NEMF: variants seen among roughly 807,000 people sequenced by gnomAD.
NEMF encodes the protein ribosome quality control complex subunit NEMF.
NEMF carries 89 observed loss-of-function variants against 162.2 expected under a neutral mutation model. The observed-to-expected ratio is 0.55, with a 90% CI of 0.46 to 0.65. The LOEUF (loss-of-function observed/expected upper bound fraction) is 0.65. Among genes scored for constraint, NEMF ranks in the 30% least tolerant of loss-of-function variants. NEMF has a pLI of 0.00. For missense variants in NEMF, 1,133 were observed against 1,261.9 expected, an observed-to-expected ratio of 0.90 and a Z score of 1.55; for synonymous variants, 421 against 404.5, an observed-to-expected ratio of 1.04 and a Z score of -0.49.
intron 18 of NEMF, among the ~76,000 whole-genome samples, chr14:49,808,459 G>A (rs1473618817): frequency 6.6e-6 from 1 of 152,168 alleles, no homozygotes; most frequent in Non-Finnish European, 1.5e-5. Flanking sequence ...ACAGGCATGA[G>A]CCACCGTGCC....
At chr14:49,826,050 C>G in intron 15 of NEMF, 95 bp from the exon 16 acceptor site, 1 of 680,830 alleles carries the variant, frequency 1.5e-6, no homozygotes, top group East Asian at 2.7e-5. Flanking sequence ...TTAAATGTCA[C>G]AAAATGGCAC....
intron 16 of NEMF, among the ~76,000 whole-genome samples, chr14:49,816,875 C>G (rs1361142195): frequency 6.6e-6 from 1 of 152,006 alleles, no homozygotes; most frequent in Non-Finnish European, 1.5e-5. Flanking sequence ...TGTAATCATC[C>G]TAGTAAGGGA....
Position 49,840,609 on chromosome 14 carries a change from G to T in NEMF, c.506+109C>A. ...ATATTTTATCTCACAGTTCTTTCAC[G>T]TTCTGACATATGACCCATTTTACCT... On this transcript the variant is annotated intron_variant, in intron 5 of 32. Transcript: ENST00000298310. The T allele has an allele frequency of 3.5e-6, 3 of 864,780 alleles. 1 individual carries two copies. The highest frequency in any genetic ancestry group is 3.6e-5 in the South Asian group (2 of 55,384). The allele number at this position is 864,780 out of a possible 1,614,324, so 53.6% of individuals were successfully genotyped here.
intron 6 of NEMF, among the ~76,000 whole-genome samples, chr14:49,836,797 T>C (rs1041438686): frequency 1.3e-5 from 2 of 152,186 alleles, no homozygotes; most frequent in African/African-American, 2.4e-5. Flanking sequence ...TTTTGGAATA[T>C]CTGCATATAC....
At chr14:49,836,608 C>T (rs920973516) in intron 6 of NEMF, among the ~76,000 whole-genome samples, 1 of 150,540 alleles carries the variant, frequency 6.6e-6, no homozygotes, top group Non-Finnish European at 1.5e-5. Flanking sequence ...TTCGTGGCAC[C>T]GCACTTCAGC....
At chr14:49,848,400 G>A (rs533098872) in intron 3 of NEMF, among the ~76,000 whole-genome samples, 2 of 152,068 alleles carry the variant, frequency 1.3e-5, no homozygotes, top group South Asian at 4.1e-4. Flanking sequence ...TACATGTACC[G>A]TCTTTTTGTA....
rs1890117622 is a variant in NEMF at position 49,785,336 on chromosome 14, A to G, written c.2929-16T>C. On this transcript the variant is annotated splice_polypyrimidine_tract_variant and intron_variant, in intron 29 of 32. Transcript: ENST00000298310. ...ATAGGTTTTCCTAAAAAGGGAAAAT[A>G]ACAGTTACAAAGGCAATTTATACCG... The G allele has an allele frequency of 6.3e-7, 1 of 1,585,782 alleles. No individual in the cohort carries two copies. Among genetic ancestry groups the G allele is most frequent in the East Asian group, 2.2e-5 (1 of 44,692 alleles).
chr14:49,845,235 G>C (rs1394272982), intron 4 of NEMF, among the ~76,000 whole-genome samples: 2 of 152,074 alleles, frequency 1.3e-5, no homozygotes, highest in African/African-American at 4.8e-5. Context: ...TGGGATTATA[G>C]GTGCCCGCCA....
Position 49,784,622 on chromosome 14 carries a change from G to GA in NEMF, c.*13dup. 6.3e-7 allele frequency: 1 copy of GA among 1,585,394 alleles called. No individual in the cohort carries two copies. The highest frequency in any genetic ancestry group is 8.6e-7 in the Non-Finnish European group (1 of 1,159,118). ...AAATTGGCTCTTCTCAAATATTTTA[G>GA]AATTTCATTTCAGCTATTTCCTTTT... On this transcript the variant is annotated 3_prime_UTR_variant, in exon 33 of 33. Transcript: ENST00000298310.
Position 49,851,885 on chromosome 14 carries a change from TA to T in NEMF, c.60-11del. 6.5e-7 allele frequency: 1 copy of T among 1,527,006 alleles called. No individual in the cohort carries two copies. The highest frequency in any genetic ancestry group is 9.0e-7 in the Non-Finnish European group (1 of 1,116,128). The allele number at this position is 1,527,006 out of a possible 1,614,324, so 94.6% of individuals were successfully genotyped here. On this transcript the variant is annotated splice_polypyrimidine_tract_variant and intron_variant, in intron 1 of 32. Transcript: ENST00000298310. ...TCTCATTCCTAGCAAGCTGCAAAGATAAAGGAAACATGTAACATGTTACACT... is the reference window on the plus strand; with the variant it reads ...TCTCATTCCTAGCAAGCTGCAAAGATAAGGAAACATGTAACATGTTACACT...
At position 49,833,430 on chromosome 14, in the gene NEMF, C is replaced by A. The variant is rs1892742283; in HGVS notation, c.728G>T (p.Ser243Ile). The change falls in exon 8 of 33, where the codon AGT (serine) becomes ATT (isoleucine). Residue 243 changes from serine (S) to isoleucine (I), a missense_variant. Ser to Ile is a moderately radical substitution (Grantham distance 142). This residue lies in a region of NEMF where 582 missense variants were observed against 631.5 expected (regional missense o/e 0.92). Coordinates refer to ENST00000298310, the MANE Select transcript of NEMF (RefSeq NM_004713.6). ...EDYMKTTSNF[S>I]GKGYIIQKRE... ...AAGTATACATGGTGCTACCTTCCCA[C>A]TGAAGTTGGATGTTGTTTTCATATA... 1.3e-6 allele frequency: 2 copies of A among 1,581,874 alleles called. No homozygotes were observed. Among genetic ancestry groups the A allele is most frequent in the Non-Finnish European group, 1.7e-6 (2 of 1,157,572 alleles).
chr14:49,852,662 C>T, intron 1 of NEMF, 33 bp downstream of exon 1: 1 of 1,612,406 alleles, frequency 6.2e-7, no homozygotes, highest in Non-Finnish European at 8.5e-7. Flanking sequence ...TCCTGCACTC[C>T]CCACACGAGC....
chr14:49,812,100 T>A (rs1039702594), intron 18 of NEMF, among the ~76,000 whole-genome samples: 7 of 152,200 alleles, frequency 4.6e-5, no homozygotes, highest in African/African-American at 1.7e-4. Flanking sequence ...TCTCTGTACT[T>A]ACAGGTTTAT....
chr14:49,826,065 T>TACACAC (rs147058569), intron 15 of NEMF, 110 bp from the exon 16 acceptor site: 1 of 615,566 alleles, frequency 1.6e-6, no homozygotes, highest in African/African-American at 1.9e-5. Context: ...TGGCACAATC[T>TACACAC]ACACACACAC....
At chr14:49,789,364 A>G in intron 27 of NEMF, 21 bp from the exon 28 acceptor site, 6 of 1,613,118 alleles carry the variant, frequency 3.7e-6, no homozygotes, top group Non-Finnish European at 5.1e-6. Context: ...TAGAGGAAAC[A>G]TCAGTCAGTG....
At chr14:49,812,152 A>G (rs1334206497) in intron 18 of NEMF, among the ~76,000 whole-genome samples, 1 of 152,078 alleles carries the variant, frequency 6.6e-6, no homozygotes, top group Non-Finnish European at 1.5e-5. Flanking sequence ...TAGTATTTAT[A>G]TCTTTCTAGG....
intron 28 of NEMF, 75 bp downstream of exon 28, chr14:49,789,071 A>T (rs1329358728): frequency 8.5e-7 from 1 of 1,172,386 alleles, no homozygotes; most frequent in African/African-American, 1.5e-5. Flanking sequence ...TTAGCACTGA[A>T]AGTCCCATGT....
intron 4 of NEMF, among the ~76,000 whole-genome samples, chr14:49,843,015 A>G (rs1270399521): frequency 6.6e-6 from 1 of 152,050 alleles, no homozygotes; most frequent in Non-Finnish European, 1.5e-5. Context: ...AAAAAAAATT[A>G]AAAAATAAAA....
chr14:49,845,011 C>T (rs1893423698), intron 4 of NEMF, among the ~76,000 whole-genome samples: 1 of 151,560 alleles, frequency 6.6e-6, no homozygotes, highest in Non-Finnish European at 1.5e-5. Context: ...TCAGGTGATC[C>T]ACTCGCCTTG....
Sources: allele counts gnomAD v4.1 joint callset (sites outside exome capture counted in the v4.1 genomes callset), GRCh38; gene constraint gnomAD v4.1.1; regional missense constraint gnomAD v4.1.1; transcripts MANE v1.5; gene names NCBI Gene and HGNC (gene_info 2026-07-23, HGNC 2026-07-21).